The following NCSTN variants were observed in gnomAD, a reference collection of about 807,000 sequenced individuals.
NCSTN encodes the protein anterior pharynx-defective 2.
NCSTN carries 22 observed loss-of-function variants against 87.0 expected under a neutral mutation model. The observed-to-expected ratio is 0.25, with a 90% CI of 0.18 to 0.36. The LOEUF is 0.36. Among genes scored for constraint, NCSTN ranks in the 10% least tolerant of loss-of-function variants. The probability of loss-of-function intolerance (pLI) is 1.00; values close to 1 mark genes in which losing one functional copy is unlikely to be tolerated. For missense variants in NCSTN, 693 were observed against 883.3 expected (o/e 0.78, Z 2.73); for synonymous variants, 306 against 327.1 (o/e 0.94, Z 0.69).
chr1:160,350,057 C>G, intron 4 of NCSTN, 48 bp from the exon 5 acceptor site: 1 of 1,596,068 alleles, frequency 6.3e-7, no homozygotes, highest in Non-Finnish European at 8.6e-7. Flanking sequence ...TTCCTAAGTA[C>G]TTGGTGTCCC....
intron 2 of NCSTN, among the ~76,000 whole-genome samples, chr1:160,346,708 C>G (rs1401256207): frequency 1.6e-4 from 24 of 152,052 alleles, no homozygotes; most frequent in Admixed American, 1.6e-3. Context: ...CAGGTTAAAG[C>G]AATTCTCCTG....
chr1:160,351,878 C>CA (rs1648868735), intron 7 of NCSTN, 73 bp downstream of exon 7: 3 of 1,480,836 alleles, frequency 2.0e-6, no homozygotes, highest in Non-Finnish European at 9.4e-7. Context: ...TCTAGCATAT[C>CA]AGATTTCAAA....
At chr1:160,353,774 A>G (rs1239944333) in intron 10 of NCSTN, 7 of 933,636 alleles carry the variant, frequency 7.5e-6, no homozygotes, top group Non-Finnish European at 8.9e-6. Flanking sequence ...TTCAGCACGC[A>G]GTTTTCTATT....
chr1:160,354,370 C>T (rs1347611743), intron 11 of NCSTN, 80 bp downstream of exon 11: 3 of 1,483,170 alleles, frequency 2.0e-6, no homozygotes, highest in Non-Finnish European at 2.8e-6. Context: ...TCACTGCCCT[C>T]CGCTTTCCCA....
In NCSTN at chr1:160,344,790, C is replaced by T. The variant is rs1648366732; in HGVS notation, c.154C>T (p.Arg52Cys). The T allele has an allele frequency of 1.2e-6, 2 of 1,613,958 alleles. No homozygotes were observed. Among genetic ancestry groups the T allele is most frequent in the Non-Finnish European group, 1.7e-6 (2 of 1,179,998 alleles). Residue 52 changes from arginine to cysteine, a missense_variant, in exon 2 of 17, where the codon CGC (arginine) becomes TGC (cysteine). Arg to Cys is a radical substitution (Grantham distance 180). Coordinates refer to ENST00000294785, the MANE Select transcript of NCSTN (RefSeq NM_015331.3). ...IPLNKTAPCV[R>C]LLNATHQIGC... ...CTTAAATAAAACAGCTCCCTGTGTT[C>T]GCCTGCTCAACGCCACTCATCAGAT...
Position 160,343,494 on chromosome 1 carries a change from CG to C in NCSTN, c.85+14del, listed in dbSNP as rs773432075. On this transcript the variant is annotated intron_variant, in intron 1 of 16. Transcript: ENST00000294785. ...GTCCTACTAGCAGGTGAGGCCTCCC[CG>C]CCCGTGAGCTCCGTTCTCTAAGGGG... is the stretch of plus-strand genomic sequence containing the variant. The C allele has an allele frequency of 6.3e-7, 1 of 1,597,008 alleles. No homozygotes were observed. The highest frequency in any genetic ancestry group is 8.5e-7 in the Non-Finnish European group (1 of 1,172,636).
rs5778159 is a variant in NCSTN at position 160,350,453 on chromosome 1, CAA to C, written c.582+221_582+222del. 4.4e-3 allele frequency among the ~76,000 whole-genome samples: 429 copies of C among 98,154 alleles called. 5 individuals carry two copies. Among genetic ancestry groups the C allele is most frequent in the South Asian group, 0.022 (65 of 2,980 alleles). 64.4% of individuals were successfully genotyped at this position (98,154 alleles called of 152,430 possible). ...GGTGACAGAGCAAGGCCCTGTGTCA[CAA>C]AAAAAAAAAAAAAAAAAGGATTATT... On this transcript the variant is annotated intron_variant, in intron 5 of 16. Coordinates refer to ENST00000294785, the MANE Select transcript of NCSTN (RefSeq NM_015331.3).
intron 7 of NCSTN, 74 bp from the exon 8 acceptor site, chr1:160,351,980 G>T: frequency 6.3e-7 from 1 of 1,575,808 alleles, no homozygotes; most frequent in South Asian, 1.1e-5. Context: ...ATATTCTCTT[G>T]ACTGGAGCAA....
At chr1:160,355,782 G>A in intron 12 of NCSTN, 25 bp downstream of exon 12, 1 of 1,601,656 alleles carries the variant, frequency 6.2e-7, no homozygotes, top group Non-Finnish European at 8.6e-7. Context: ...GGCTGGGTGG[G>A]AGCCTGGGGC....
At chr1:160,344,411 G>A (rs1648324136) in intron 1 of NCSTN, 1 of 1,410,928 alleles carries the variant, frequency 7.1e-7, no homozygotes, top group South Asian at 1.5e-5. Flanking sequence ...GATCACCTGT[G>A]CAACCAGAAT....
chr1:160,355,846 C>T lies in NCSTN; in HGVS notation c.1456-17C>T, dbSNP rs1422296023. The T allele has an allele frequency of 6.2e-7, 1 of 1,612,674 alleles. No homozygotes were observed. The highest frequency in any genetic ancestry group is 1.3e-5 in the African/African-American group (1 of 74,888). On this transcript the variant is annotated splice_polypyrimidine_tract_variant and intron_variant, in intron 12 of 16. Coordinates refer to ENST00000294785, the MANE Select transcript of NCSTN (RefSeq NM_015331.3). ...TAGGAGAGGTGGGCCATTCAGCCCCCTCCTCACCTACCACAGGCCCTGGCA... is the reference window on the plus strand; with the variant it reads ...TAGGAGAGGTGGGCCATTCAGCCCCTTCCTCACCTACCACAGGCCCTGGCA...
chr1:160,354,248 C>T lies in NCSTN; in HGVS notation c.1310C>T (p.Ser437Phe), dbSNP rs752674285. 7 of 1,614,080 alleles carry T rather than the reference C, an allele frequency of 4.3e-6. No homozygotes were observed. Among genetic ancestry groups the T allele is most frequent in the African/African-American group, 2.7e-5 (2 of 74,918 alleles). The change falls in exon 11 of 17, where the codon TCT (serine) becomes TTT (phenylalanine). Residue 437 changes from serine (S) to phenylalanine (F), a missense_variant. Physicochemically the swap from Ser to Phe is radical, Grantham distance 155. Transcript: ENST00000294785. ...LQRFLRARNI[S>F]GVVLADHSGA... ...CGATTTCTTCGAGCTCGAAACATCTCTGGCGTTGTTCTGGCTGACCACTCT... is the reference window on the plus strand; with the variant it reads ...CGATTTCTTCGAGCTCGAAACATCTTTGGCGTTGTTCTGGCTGACCACTCT...
At position 160,351,724 on chromosome 1, in the gene NCSTN, C is replaced by T; in HGVS notation, c.762C>T (p.Tyr254=). The part of the protein sequence containing the change: ...PEIVCDPLSD[Y]NVWSMLKPIN... ...TCGTCTGTGACCCCCTGTCTGATTA[C>T]AATGTGTGGAGCATGCTAAAGCCTA... is the stretch of plus-strand genomic sequence containing the variant. Residue 254 remains tyrosine (Y), a synonymous_variant, in exon 7 of 17, where the codon TAC becomes TAT. Transcript: ENST00000294785. 1 of 1,611,926 alleles carries T rather than the reference C, an allele frequency of 6.2e-7. No individual in the cohort carries two copies. The highest frequency in any genetic ancestry group is 8.5e-7 in the Non-Finnish European group (1 of 1,177,992).
At chr1:160,354,891 G>T (rs6700962) in intron 11 of NCSTN, among the ~76,000 whole-genome samples, 94,683 of 151,966 alleles carry the variant, frequency 0.62, 30,989 homozygotes, top group African/African-American at 0.84. Context: ...CAAGCTTCCC[G>T]AGGGCCAAAT....
At chr1:160,347,055 C>G (rs1325163812) in intron 2 of NCSTN, among the ~76,000 whole-genome samples, 3 of 152,178 alleles carry the variant, frequency 2.0e-5, no homozygotes, top group Non-Finnish European at 4.4e-5. Context: ...AAGAAAACTC[C>G]TTTGGGAATA....
At chr1:160,348,131 C>T (rs1013853623) in intron 2 of NCSTN, among the ~76,000 whole-genome samples, 2 of 152,236 alleles carry the variant, frequency 1.3e-5, no homozygotes, top group African/African-American at 2.4e-5. Flanking sequence ...GGAGAAGACT[C>T]ACAGGGAGAC....
At chr1:160,351,967 G>A (rs1219175993) in intron 7 of NCSTN, 87 bp from the exon 8 acceptor site, 7 of 1,552,544 alleles carry the variant, frequency 4.5e-6, no homozygotes, top group Non-Finnish European at 6.2e-6. Flanking sequence ...CCACAGGACA[G>A]GTATATTCTC....
At chr1:160,349,827 C>T (rs1173538042) in intron 4 of NCSTN, among the ~76,000 whole-genome samples, 157 bp downstream of exon 4, 3 of 152,202 alleles carry the variant, frequency 2.0e-5, no homozygotes, top group African/African-American at 7.2e-5. Context: ...GTCTTTGCTG[C>T]TCATCCCTTC....
chr1:160,349,784 A>T, intron 4 of NCSTN, 114 bp downstream of exon 4: 1 of 1,424,304 alleles, frequency 7.0e-7, no homozygotes, highest in Middle Eastern at 2.4e-4. Context: ...TAGTGTCAGT[A>T]ACTGACTCCC....
Sources: gnomAD v4.1 joint callset for allele counts (sites outside exome capture counted in the v4.1 genomes callset) on GRCh38, gnomAD v4.1.1 for gene constraint, MANE v1.5 for transcripts, NCBI Gene and HGNC (gene_info 2026-07-23, HGNC 2026-07-21) for gene names.